Variants in TRIT1 observed in about 807,000 individuals in gnomAD.
TRIT1 encodes the protein tRNA isopentenyltransferase 1, also known as tRNA dimethylallyltransferase.
A neutral mutation model predicts 51.2 loss-of-function variants in TRIT1; 43 were observed. That is an observed-to-expected ratio of 0.84 (90% CI 0.66 to 1.08). The LOEUF (loss-of-function observed/expected upper bound fraction) is 1.08, where lower values mean the gene tolerates loss of function less well. Among genes scored for constraint, TRIT1 ranks in the 50% least tolerant of loss-of-function variants. The pLI, the probability that TRIT1 is intolerant of heterozygous loss-of-function variation, is 0.00. For missense variants in TRIT1, 528 were observed against 578.4 expected (o/e 0.91, Z 0.89); for synonymous variants, 184 against 203.9 (o/e 0.90, Z 0.83).
At chr1:39,859,962 A>AC (rs1371249728) in intron 1 of TRIT1, among the ~76,000 whole-genome samples, 1 of 152,224 alleles carries the variant, frequency 6.6e-6, no homozygotes, top group Admixed American at 6.5e-5. Context: ...TTCTTCCTGT[A>AC]ATCTGCCTTT....
chr1:39,847,599 T>C lies in TRIT1; in HGVS notation c.877A>G (p.Ile293Val), dbSNP rs1305919589. 1 of 1,614,090 alleles carries C rather than the reference T, an allele frequency of 6.2e-7. No homozygotes were observed. The highest frequency in any genetic ancestry group is 1.3e-5 in the African/African-American group (1 of 74,922). ...TCCAGTGTGCATTTTCCCTCAGTGATCAGGTACTCGTGAAATTCCTTGAAG... is the reference window on the plus strand; with the variant it reads ...TCCAGTGTGCATTTTCCCTCAGTGACCAGGTACTCGTGAAATTCCTTGAAG... ...IGFKEFHEYLITEGKCTLETS... is the reference protein window; with the variant it reads ...IGFKEFHEYLVTEGKCTLETS... Residue 293 changes from isoleucine to valine, a missense_variant, in exon 7 of 11, where the codon ATC becomes GTC. By Grantham distance (29) the Ile-to-Val change is conservative (BLOSUM62 3). Coordinates refer to ENST00000316891, the MANE Select transcript of TRIT1 (RefSeq NM_017646.6).
rs575478521 is a variant in TRIT1, at chr1:39,877,761, A to C, written c.174+5557T>G. Among the ~76,000 whole-genome samples the C allele has an allele frequency of 7.9e-5, 12 of 152,320 alleles. No individual in the cohort carries two copies. The South Asian group carries it at 2.3e-3, about 29-fold the overall frequency. On this transcript the variant is annotated intron_variant, in intron 1 of 10. Transcript: ENST00000316891. Reference sequence around the variant, plus strand: ...CTTCGGTATCATCTTCCTGAAATACATCAGACTCTACAAATGAGTTAGAAG... The same window carrying C: ...CTTCGGTATCATCTTCCTGAAATACCTCAGACTCTACAAATGAGTTAGAAG...
chr1:39,850,500 G>C (rs1268246733), intron 4 of TRIT1, among the ~76,000 whole-genome samples: 1 of 152,068 alleles, frequency 6.6e-6, no homozygotes. Flanking sequence ...TCTTCAAAAA[G>C]GGGGCATGCA....
At chr1:39,879,833 T>C (rs1381798914) in intron 1 of TRIT1, among the ~76,000 whole-genome samples, 6 of 136,988 alleles carry the variant, frequency 4.4e-5, no homozygotes, top group African/African-American at 1.1e-4. Context: ...GATGGTGTCA[T>C]TGCACTCCAG....
intron 1 of TRIT1, among the ~76,000 whole-genome samples, chr1:39,870,662 G>A (rs539514293): frequency 7.2e-6 from 1 of 139,442 alleles, no homozygotes; most frequent in South Asian, 2.4e-4. Context: ...AAATAATATA[G>A]AGATACAGAA....
chr1:39,857,255 C>G (rs1642954446), intron 2 of TRIT1, 22 bp downstream of exon 2: 1 of 1,586,932 alleles, frequency 6.3e-7, no homozygotes, highest in Non-Finnish European at 8.6e-7. Context: ...CCAAACCCAG[C>G]TGCTGCCTTT....
chr1:39,858,564 A>G (rs1643033180), intron 1 of TRIT1, among the ~76,000 whole-genome samples: 4 of 152,230 alleles, frequency 2.6e-5, no homozygotes, highest in South Asian at 4.1e-4. Flanking sequence ...CCTAATTGCT[A>G]TCATTATCAC....
At chr1:39,858,425 T>C (rs6680378) in intron 1 of TRIT1, among the ~76,000 whole-genome samples, 86,137 of 152,020 alleles carry the variant, frequency 0.57, 26,531 homozygotes, top group African/African-American at 0.83. Context: ...GGCCTCAATC[T>C]CTCATCAGTA....
chr1:39,861,155 T>C (rs2124633515), intron 1 of TRIT1, among the ~76,000 whole-genome samples: 1 of 152,348 alleles, frequency 6.6e-6, no homozygotes, highest in East Asian at 1.9e-4. Flanking sequence ...TAGCAAATGT[T>C]GGCAAGGATG....
chr1:39,856,273 T>C (rs1642891611), intron 2 of TRIT1, among the ~76,000 whole-genome samples: 1 of 151,978 alleles, frequency 6.6e-6, no homozygotes, highest in South Asian at 2.1e-4. Flanking sequence ...GCTATTGCAC[T>C]CTAGCCTGGG....
At chr1:39,863,753 A>G (rs1205363472) in intron 1 of TRIT1, among the ~76,000 whole-genome samples, 2 of 125,344 alleles carry the variant, frequency 1.6e-5, no homozygotes, top group African/African-American at 2.6e-5. Context: ...TACAACAGAG[A>G]AAAAAAAAAA....
chr1:39,862,373 T>G (rs1452678661), intron 1 of TRIT1, among the ~76,000 whole-genome samples: 2 of 151,346 alleles, frequency 1.3e-5, no homozygotes, highest in African/African-American at 4.9e-5. Context: ...AACTAGTGAA[T>G]AGCAGCAATG....
At chr1:39,855,843 T>C (rs1642865183) in intron 2 of TRIT1, among the ~76,000 whole-genome samples, 1 of 152,156 alleles carries the variant, frequency 6.6e-6, no homozygotes, top group Non-Finnish European at 1.5e-5. Context: ...CCTTCTACTC[T>C]TTGGGCCTCA....
intron 1 of TRIT1, among the ~76,000 whole-genome samples, chr1:39,869,676 G>A (rs927196592): frequency 6.6e-6 from 1 of 151,518 alleles, no homozygotes; most frequent in South Asian, 2.1e-4. Context: ...CTGCCCCGCC[G>A]CCCACCGTCT....
At chr1:39,851,948 TAAAAA>T (rs34860273) in intron 4 of TRIT1, among the ~76,000 whole-genome samples, 1 of 126,352 alleles carries the variant, frequency 7.9e-6, no homozygotes, top group Non-Finnish European at 1.7e-5. Context: ...CTCTATCTCT[TAAAAA>T]AAAAAAAAAA....
At chr1:39,861,693 G>A (rs907215315) in intron 1 of TRIT1, among the ~76,000 whole-genome samples, 2 of 152,138 alleles carry the variant, frequency 1.3e-5, no homozygotes, top group Non-Finnish European at 2.9e-5. Flanking sequence ...GGAGACTGAG[G>A]TGGATGGATC....
chr1:39,850,133 T>A lies in TRIT1; in HGVS notation c.689A>T (p.His230Leu). Residue 230 changes from histidine (H) to leucine (L), a missense_variant, in exon 5 of 11, where the codon CAT (histidine) becomes CTT (leucine). Transcript: ENST00000316891. ...AGGGCTGTTACCTGCCTGGTCAGCATGAAGCCAAAGGATGCAAGGGTTAGA... is the reference window on the plus strand; with the variant it reads ...AGGGCTGTTACCTGCCTGGTCAGCAAGAAGCCAAAGGATGCAAGGGTTAGA... ...KFSNPCILWL[H>L]ADQAVLDERL... 6.2e-7 allele frequency: 1 copy of A among 1,614,190 alleles called. No homozygotes were observed. Among genetic ancestry groups the A allele is most frequent in the Middle Eastern group, 1.6e-4 (1 of 6,062 alleles).
intron 7 of TRIT1, 49 bp downstream of exon 7, chr1:39,847,499 C>T: frequency 6.3e-7 from 1 of 1,588,418 alleles, no homozygotes; most frequent in Non-Finnish European, 8.6e-7. Context: ...AGCAGAGTAC[C>T]CTGCCACCCA....
intron 4 of TRIT1, among the ~76,000 whole-genome samples, chr1:39,852,195 A>G (rs546915603): frequency 2.0e-5 from 3 of 152,256 alleles, no homozygotes; most frequent in Non-Finnish European, 4.4e-5. Flanking sequence ...CTGCAGAAAA[A>G]TAAACCTAAC....
Sources: gnomAD v4.1 joint callset for allele counts (sites outside exome capture counted in the v4.1 genomes callset) on GRCh38, gnomAD v4.1.1 for gene constraint, MANE v1.5 for transcripts, NCBI Gene and HGNC (gene_info 2026-07-23, HGNC 2026-07-21) for gene names.